The following PI4KA variants were observed in gnomAD, a reference collection of about 807,000 sequenced individuals.
PI4KA encodes PI4-kinase alpha.
A neutral mutation model predicts 271.4 loss-of-function variants in PI4KA; 122 were observed. That is an observed-to-expected ratio of 0.45 (90% confidence interval 0.39 to 0.52). The LOEUF is 0.52. Ranked by LOEUF, PI4KA falls within the 20% of genes least tolerant of loss-of-function variation. The probability of loss-of-function intolerance (pLI) is 0.00; values close to 1 mark genes in which losing one functional copy is unlikely to be tolerated. For synonymous variants in PI4KA, 1,041 were observed against 1,078.8 expected (o/e 0.96, Z 0.69); for missense variants, 1,969 against 2,769.1 (o/e 0.71, Z 6.48).
intron 42 of PI4KA, 163 bp downstream of exon 42, chr22:20,726,325 G>A (rs1175968501): frequency 1.8e-6 from 1 of 544,416 alleles, no homozygotes; most frequent in East Asian, 3.6e-5. Context: ...GGTATCAAGG[G>A]ACAATCACAG....
chr22:20,744,121 G>C (rs529779401), intron 30 of PI4KA, among the ~76,000 whole-genome samples: 68 of 152,272 alleles, frequency 4.5e-4, no homozygotes, highest in Non-Finnish European at 8.1e-4. Flanking sequence ...TTATGGAGCA[G>C]GAAATGGAGG....
At chr22:20,711,696 G>A (rs554998791) in intron 50 of PI4KA, among the ~76,000 whole-genome samples, 44 of 152,262 alleles carry the variant, frequency 2.9e-4, no homozygotes, top group South Asian at 2.3e-3. Flanking sequence ...TTCTTCTAAG[G>A]AGTCCAACCC....
At chr22:20,718,308 C>T (rs191088311) in intron 44 of PI4KA, among the ~76,000 whole-genome samples, 3 of 152,358 alleles carry the variant, frequency 2.0e-5, no homozygotes, top group African/African-American at 4.8e-5. Flanking sequence ...TCTAGGAAAA[C>T]GATGACAGGA....
At chr22:20,780,781 A>AAAAAAAAAAAAAAAAAAAAAAAAAAG in intron 19 of PI4KA, among the ~76,000 whole-genome samples, 1 of 151,012 alleles carries the variant, frequency 6.6e-6, no homozygotes, top group Non-Finnish European at 1.5e-5. Flanking sequence ...ATCTCAAAAA[A>AAAAAAAAAAAAAAAAAAAAAAAAAAG]AAAAAAAAAA....
chr22:20,805,101 C>T lies in PI4KA; in HGVS notation c.1233G>A (p.Gln411=), dbSNP rs760138479. ...CATGTAGAATCTTCTGGAGCTCCCC[C>T]TGGCTCGTGTTGAACTGCTCCAGCA... is the stretch of plus-strand genomic sequence containing the variant. ...DFVLEQFNTS[Q]GELQKILHDA... The change falls in exon 11 of 55, where the codon CAG becomes CAA. Residue 411 remains glutamine (Q), a synonymous_variant. Coordinates refer to ENST00000255882, the MANE Select transcript of PI4KA (RefSeq NM_058004.4). 1 of 1,614,180 alleles carries T rather than the reference C, an allele frequency of 6.2e-7. No homozygotes were observed. Among genetic ancestry groups the T allele is most frequent in the Admixed American group, 1.7e-5 (1 of 60,022 alleles).
At position 20,802,003 on chromosome 22, in the gene PI4KA, A is replaced by G; in HGVS notation, c.1694T>C (p.Leu565Pro). The change falls in exon 14 of 55, where the codon CTC (leucine) becomes CCC (proline). Residue 565 changes from leucine (L) to proline (P), a missense_variant. Physicochemically the swap from Leu to Pro is moderately conservative, Grantham distance 98. Coordinates refer to ENST00000255882, the MANE Select transcript of PI4KA (RefSeq NM_058004.4). ...KKSQPSMYEQ[L>P]RDIAIDNICR... is the part of the protein sequence containing the mutation. ...GATGTTGTCAATAGCGATGTCTCGG[A>G]GCTGCTCGTACATGGAGGGCTGGCT... The G allele has an allele frequency of 6.2e-7, 1 of 1,614,120 alleles. No homozygotes were observed. Among genetic ancestry groups the G allele is most frequent in the East Asian group, 2.2e-5 (1 of 44,896 alleles).
intron 22 of PI4KA, 114 bp from the exon 23 acceptor site, chr22:20,761,500 A>G (rs905098490): frequency 3.4e-5 from 24 of 715,094 alleles, no homozygotes; most frequent in African/African-American, 2.4e-4. Flanking sequence ...TCTGTCATTC[A>G]TAAGGGTGCA....
At chr22:20,790,699 AACACACACACACACACACAC>A (rs362174) in intron 19 of PI4KA, among the ~76,000 whole-genome samples, 7 of 139,386 alleles carry the variant, frequency 5.0e-5, no homozygotes, top group Middle Eastern at 3.6e-3. Context: ...AAAAAAAACA[AACACACACACACACACACAC>A]ACACACACAC....
chr22:20,799,290 A>T lies in PI4KA; in HGVS notation c.1821-14T>A. 6.6e-7 allele frequency: 1 copy of T among 1,511,166 alleles called. No homozygotes were observed. Among genetic ancestry groups the T allele is most frequent in the South Asian group, 1.4e-5 (1 of 73,934 alleles). 93.6% of individuals were successfully genotyped at this position (1,511,166 alleles called of 1,614,324 possible). A position where few individuals can be genotyped will look rare whatever the true frequency, so the allele number is the denominator to read the frequency against. On this transcript the variant is annotated splice_polypyrimidine_tract_variant and intron_variant, in intron 15 of 54. Transcript: ENST00000255882. ...AAGTGAGCGTCCCTACAGAAGGAAG[A>T]ACAGAAGCGCCCTAGCAACAGTCCC...
At chr22:20,818,208 G>T (rs1267937021) in intron 7 of PI4KA, among the ~76,000 whole-genome samples, 1 of 152,008 alleles carries the variant, frequency 6.6e-6, no homozygotes, top group Non-Finnish European at 1.5e-5. Flanking sequence ...TCTGATGGCA[G>T]GTATATAGGG....
rs906396786 is a variant in PI4KA, at chr22:20,820,534, C to T, written c.529+5G>A. The T allele has an allele frequency of 1.4e-5, 23 of 1,588,170 alleles. No homozygotes were observed. The highest frequency in any genetic ancestry group is 1.7e-4 in the Middle Eastern group (1 of 5,996). On this transcript the variant is annotated splice_donor_5th_base_variant and intron_variant, in intron 5 of 54. Transcript: ENST00000255882. ...TTTTAAGAAAAACCTTAAGGATACT[C>T]GTACCTTTGTCTTGAATCTCCAAGG...
intron 19 of PI4KA, among the ~76,000 whole-genome samples, chr22:20,766,142 T>C (rs1336436035): frequency 2.6e-5 from 4 of 152,102 alleles, no homozygotes; most frequent in Non-Finnish European, 5.9e-5. Flanking sequence ...AGGCAAACAA[T>C]GGATGCGAGC....
chr22:20,824,788 C>A (rs765307790), intron 3 of PI4KA, among the ~76,000 whole-genome samples: 1 of 148,838 alleles, frequency 6.7e-6, no homozygotes, highest in Non-Finnish European at 1.5e-5. Context: ...ACAAAACACT[C>A]GGCTGGGCGA....
chr22:20,729,563 T>C (rs1421628607), intron 38 of PI4KA, 57 bp from the exon 39 acceptor site: 3 of 1,551,310 alleles, frequency 1.9e-6, no homozygotes, highest in Non-Finnish European at 2.6e-6. Flanking sequence ...GCCCACACAC[T>C]GCCCCGGCCA....
intron 30 of PI4KA, among the ~76,000 whole-genome samples, chr22:20,744,177 T>C (rs1348905876): frequency 1.3e-5 from 2 of 152,190 alleles, no homozygotes; most frequent in African/African-American, 4.8e-5. Context: ...AACTGTGGTG[T>C]GGTGGGTGAA....
In PI4KA at chr22:20,803,260, G is replaced by GC; in HGVS notation, c.1521dup (p.Arg508AlafsTer28). On this transcript the variant is annotated frameshift_variant, in exon 13 of 55. Coordinates refer to ENST00000255882, the MANE Select transcript of PI4KA (RefSeq NM_058004.4). LOFTEE classifies it high-confidence loss of function. ...GGGGACGGGATGACCAGGAAGTCTC[G>GC]CAAGGACGGTGTCACAGAGTGCACC... 4 of 1,614,090 alleles carry GC rather than the reference G, an allele frequency of 2.5e-6. No individual in the cohort carries two copies. Among genetic ancestry groups the GC allele is most frequent in the Non-Finnish European group, 3.4e-6 (4 of 1,179,972 alleles).
chr22:20,839,288 T>G (rs1437111960), intron 1 of PI4KA, among the ~76,000 whole-genome samples: 2 of 152,180 alleles, frequency 1.3e-5, no homozygotes. Flanking sequence ...GTCATAGTTT[T>G]TTTTCAGTTA....
chr22:20,752,825 GGAT>G, intron 25 of PI4KA, 75 bp downstream of exon 25: 3 of 1,458,766 alleles, frequency 2.1e-6, no homozygotes, highest in Non-Finnish European at 2.9e-6. Context: ...AATAATATAA[GGAT>G]GATTTTTCCC....
At chr22:20,762,487 A>C (rs1184525764) in intron 22 of PI4KA, among the ~76,000 whole-genome samples, 1 of 152,196 alleles carries the variant, frequency 6.6e-6, no homozygotes, top group Non-Finnish European at 1.5e-5. Flanking sequence ...AGGTGGGCTC[A>C]CAGGAGCTGC....
Sources: gnomAD v4.1 joint callset for allele counts (sites outside exome capture counted in the v4.1 genomes callset) on GRCh38, gnomAD v4.1.1 for gene constraint, MANE v1.5 for transcripts, NCBI Gene and HGNC (gene_info 2026-07-23, HGNC 2026-07-21) for gene names.